DOCK1: variants seen among roughly 807,000 people sequenced by gnomAD.
DOCK1 encodes the protein dedicator of cytokinesis protein 1.
Under a neutral mutation model 262.7 loss-of-function variants are expected in DOCK1, and 138 were observed. That is an observed-to-expected ratio of 0.53 (90% CI 0.46 to 0.61). The LOEUF (loss-of-function observed/expected upper bound fraction) is 0.61, where lower values mean the gene tolerates loss of function less well. Ranked by LOEUF, DOCK1 falls within the 20% of genes least tolerant of loss-of-function variation. DOCK1 has a pLI of 0.00. For synonymous variants in DOCK1, 866 were observed against 867.4 expected, an observed-to-expected ratio of 1.00 and a Z score of 0.03; for missense variants, 1,908 against 2,370.7, an observed-to-expected ratio of 0.80 and a Z score of 4.05.
At chr10:127,338,362 A>G (rs550763027) in intron 29 of DOCK1, among the ~76,000 whole-genome samples, 115 of 152,354 alleles carry the variant, frequency 7.5e-4, no homozygotes, top group South Asian at 7.0e-3. Flanking sequence ...AAGTATATAA[A>G]GTCATGGTAT....
At chr10:127,351,993 C>T (rs1299029393) in intron 31 of DOCK1, among the ~76,000 whole-genome samples, 2 of 151,608 alleles carry the variant, frequency 1.3e-5, no homozygotes, top group East Asian at 3.9e-4. Flanking sequence ...GCCCGGCTCT[C>T]CTGAGGGGTG....
chr10:127,234,821 G>A (rs1350131129), intron 27 of DOCK1, among the ~76,000 whole-genome samples: 1 of 151,484 alleles, frequency 6.6e-6, no homozygotes, highest in South Asian at 2.1e-4. Context: ...GTAAGAGCAA[G>A]AAGGAATCCT....
At chr10:127,229,427 ACTTTCTG>A (rs1321397645) in intron 27 of DOCK1, among the ~76,000 whole-genome samples, 3 of 152,024 alleles carry the variant, frequency 2.0e-5, no homozygotes, top group Admixed American at 2.0e-4. Flanking sequence ...CCACAATTCT[ACTTTCTG>A]CTTCTATGAG....
intron 27 of DOCK1, among the ~76,000 whole-genome samples, chr10:127,134,284 GGA>G (rs2050511193): frequency 6.6e-6 from 1 of 152,148 alleles, no homozygotes; most frequent in Non-Finnish European, 1.5e-5. Context: ...TTTATAGGTT[GGA>G]GTTGGTCTGC....
chr10:126,919,290 A>G (rs563511130), intron 1 of DOCK1, among the ~76,000 whole-genome samples: 2 of 152,336 alleles, frequency 1.3e-5, no homozygotes, highest in African/African-American at 2.4e-5. Context: ...TTTCTTTAAC[A>G]TAATTGACTT....
chr10:127,052,931 C>T, intron 22 of DOCK1, 116 bp downstream of exon 22: 1 of 1,455,154 alleles, frequency 6.9e-7, no homozygotes, highest in South Asian at 1.4e-5. Context: ...CCCCCTTTTT[C>T]CCCCTTGCTT....
intron 29 of DOCK1, among the ~76,000 whole-genome samples, chr10:127,331,253 C>CAGT (rs2062966879): frequency 1.3e-5 from 2 of 152,194 alleles, no homozygotes; most frequent in South Asian, 4.2e-4. Context: ...TGGGCTGACT[C>CAGT]AGTTTTTGTT....
At chr10:126,966,278 A>T (rs1013727214) in intron 1 of DOCK1, among the ~76,000 whole-genome samples, 2 of 152,020 alleles carry the variant, frequency 1.3e-5, no homozygotes, top group Non-Finnish European at 2.9e-5. Flanking sequence ...TTGGACGCCT[A>T]TGTTGATTTT....
At chr10:127,328,111 C>T (rs1201915795) in intron 29 of DOCK1, among the ~76,000 whole-genome samples, 1 of 68,042 alleles carries the variant, frequency 1.5e-5, no homozygotes, top group Non-Finnish European at 2.7e-5. Context: ...TAGGCTCCTA[C>T]AAATGGGCAA....
intron 31 of DOCK1, among the ~76,000 whole-genome samples, chr10:127,347,480 T>A (rs902591334): frequency 6.6e-6 from 1 of 152,166 alleles, no homozygotes; most frequent in Non-Finnish European, 1.5e-5. Context: ...CTGAGAGGTT[T>A]GCCACGGGAC....
At position 127,036,229 on chromosome 10, in the gene DOCK1, C is replaced by T. The variant is rs570594821; in HGVS notation, c.1913-1490C>T. ...AGAACACTGAGGTGAAGTTACCTCC[C>T]CAGGCCAAGTGGTTGCTGCATGCTG... On this transcript the variant is annotated intron_variant, in intron 18 of 51. Transcript: ENST00000623213. 4.6e-5 allele frequency among the ~76,000 whole-genome samples: 7 copies of T among 152,232 alleles called. No homozygotes were observed. The East Asian group carries it at 1.4e-3, about 30-fold the overall frequency.
chr10:127,065,962 C>T (rs2045845401), intron 23 of DOCK1, among the ~76,000 whole-genome samples: 1 of 152,068 alleles, frequency 6.6e-6, no homozygotes, highest in South Asian at 2.1e-4. Context: ...GCTGACCGTC[C>T]CCCTCCCTGA....
At chr10:127,065,949 A>T (rs149035698) in intron 23 of DOCK1, among the ~76,000 whole-genome samples, 18 of 152,098 alleles carry the variant, frequency 1.2e-4, no homozygotes, top group African/African-American at 4.3e-4. Context: ...CCTGCTGTGC[A>T]GTGCTGACCG....
intron 29 of DOCK1, among the ~76,000 whole-genome samples, chr10:127,260,548 C>T (rs541177105): frequency 8.5e-5 from 13 of 152,256 alleles, no homozygotes; most frequent in Non-Finnish European, 1.8e-4. Context: ...TCCATGGGAG[C>T]TTCCTGCAGA....
At chr10:127,032,073 T>C in intron 17 of DOCK1, 64 bp from the exon 18 acceptor site, 1 of 1,543,484 alleles carries the variant, frequency 6.5e-7, no homozygotes, top group Non-Finnish European at 8.8e-7. Flanking sequence ...TAACAAAGGG[T>C]GGCAAAAATG....
chr10:127,350,734 A>G (rs1286622927), intron 31 of DOCK1, among the ~76,000 whole-genome samples: 1 of 152,176 alleles, frequency 6.6e-6, no homozygotes, highest in Non-Finnish European at 1.5e-5. Flanking sequence ...ATATTCCAAT[A>G]TGAATATTCA....
intron 29 of DOCK1, among the ~76,000 whole-genome samples, chr10:127,294,136 C>T (rs1425104089): frequency 6.6e-6 from 1 of 152,174 alleles, no homozygotes; most frequent in African/African-American, 2.4e-5. Context: ...GTGTTACTGA[C>T]CCTCTCTCTT....
intron 15 of DOCK1, 118 bp from the exon 16 acceptor site, chr10:127,026,234 A>T (rs1056977871): frequency 1.0e-6 from 1 of 1,005,018 alleles, no homozygotes; most frequent in Non-Finnish European, 1.5e-6. Flanking sequence ...GGTGTACAGT[A>T]TTTTCACCAC....
chr10:127,195,006 A>T (rs1167616171), intron 27 of DOCK1, among the ~76,000 whole-genome samples: 2 of 152,148 alleles, frequency 1.3e-5, no homozygotes, highest in Non-Finnish European at 2.9e-5. Flanking sequence ...GGCTGTAGAT[A>T]AGCAAAACGC....
Sources: gnomAD v4.1 joint callset for allele counts (sites outside exome capture counted in the v4.1 genomes callset) on GRCh38, gnomAD v4.1.1 for gene constraint, MANE v1.5 for transcripts, NCBI Gene and HGNC (gene_info 2026-07-23, HGNC 2026-07-21) for gene names.